Variants in TUBGCP6 observed in about 807,000 individuals in gnomAD.
The protein encoded by TUBGCP6 is tubulin gamma complex component 6.
Under a neutral mutation model 175.8 loss-of-function variants are expected in TUBGCP6, and 161 were observed. The observed-to-expected ratio is 0.92, with a 90% CI of 0.81 to 1.04. The LOEUF (loss-of-function observed/expected upper bound fraction) is 1.04. Among genes scored for constraint, TUBGCP6 ranks in the 50% least tolerant of loss-of-function variants. The probability of loss-of-function intolerance (pLI) is 0.00; values close to 1 mark genes in which losing one functional copy is unlikely to be tolerated. For missense variants in TUBGCP6, 2,572 were observed against 2,433.0 expected, an observed-to-expected ratio of 1.06 and a Z score of -1.20; for synonymous variants, 1,173 against 1,030.5, an observed-to-expected ratio of 1.14 and a Z score of -2.65.
rs750728907 is a variant in TUBGCP6, at chr22:50,225,838, T to G, written c.1939A>C (p.Met647Leu). ...GAGCTGTGGCGGGCCACCCTCTCCA[T>G]GCGCCCAACGTAGACGGCACAGTCC... ...EKDCAVYVGR[M>L]ERVARHSSVS... The change falls in exon 10 of 25, where the codon ATG becomes CTG. Residue 647 changes from methionine (M) to leucine (L), a missense_variant. Met to Leu is a conservative substitution (Grantham distance 15). Coordinates refer to ENST00000248846, the MANE Select transcript of TUBGCP6 (RefSeq NM_020461.4). The G allele has an allele frequency of 1.9e-6, 3 of 1,613,572 alleles. No individual in the cohort carries two copies. In the Admixed American group the frequency reaches 5.0e-5, roughly 27 times the overall value.
chr22:50,222,687 G>T, intron 13 of TUBGCP6, 95 bp from the exon 14 acceptor site: 1 of 1,518,616 alleles, frequency 6.6e-7, no homozygotes, highest in Non-Finnish European at 8.9e-7. Flanking sequence ...CATAACAGAG[G>T]CCCCAGTGGG....
At position 50,218,026 on chromosome 22, in the gene TUBGCP6, G is replaced by T. The variant is rs752750569; in HGVS notation, c.5260C>A (p.Gln1754Lys). ...VLKFRSQLIS[Q>K]AWGPPGGPRG... The stretch of plus-strand genomic sequence containing the variant: ...GGGCCCCCAGGGGGCCCCCAGGCCT[G>T]GGAGATGAGCTGGCTGCGGAACTTG... Residue 1754 changes from glutamine (Q) to lysine (K), a missense_variant, in exon 24 of 25, where the codon CAG becomes AAG. By Grantham distance (53) the Gln-to-Lys change is moderately conservative (BLOSUM62 1). Transcript: ENST00000248846. 1.9e-6 allele frequency: 3 copies of T among 1,613,302 alleles called. No individual in the cohort carries two copies. In the South Asian group the frequency reaches 3.3e-5, roughly 18 times the overall value.
intron 1 of TUBGCP6, among the ~76,000 whole-genome samples, chr22:50,241,982 T>TAAAA (rs1184563973): frequency 7.2e-5 from 2 of 27,948 alleles, no homozygotes; most frequent in East Asian, 1.1e-3. Flanking sequence ...AGACTCCATC[T>TAAAA]CAAAAAAAAA....
rs1415197519 is a variant in TUBGCP6, at chr22:50,219,721, C to G, written c.4238G>C (p.Gly1413Ala). ...EAEASAAEAQ[G>A]GEQAYLAGLA... ...GCCTGCCAGGTAGGCCTGCTCCCCA[C>G]CCTGAGCCTCCGCCGCCGATGCCTC... Residue 1413 changes from glycine to alanine, a missense_variant, in exon 18 of 25, where the codon GGT (glycine) becomes GCT (alanine). Gly to Ala is a moderately conservative substitution (Grantham distance 60). Transcript: ENST00000248846. 1 of 1,613,638 alleles carries G rather than the reference C, an allele frequency of 6.2e-7. No individual in the cohort carries two copies. Among genetic ancestry groups the G allele is most frequent in the East Asian group, 2.2e-5 (1 of 44,874 alleles).
At position 50,221,409 on chromosome 22, in the gene TUBGCP6, G is replaced by A. The variant is rs1222630214; in HGVS notation, c.2950C>T (p.Leu984=). The change falls in exon 16 of 25, where the codon CTG becomes TTG. Residue 984 remains leucine (L), a synonymous_variant. Coordinates refer to ENST00000248846, the MANE Select transcript of TUBGCP6 (RefSeq NM_020461.4). ...ATCTTCCCACAACTGTCCTCCCACA[G>A]CTGTAGCCCTGAGCTGCCCAAGCTG... The part of the protein sequence containing the change: ...ECSLGSSGLQ[L]WEDSCGKMDA... The A allele has an allele frequency of 1.9e-6, 3 of 1,604,852 alleles. No homozygotes were observed. The highest frequency in any genetic ancestry group is 2.5e-6 in the Non-Finnish European group (3 of 1,178,332).
At chr22:50,220,114 C>T in intron 16 of TUBGCP6, 99 bp from the exon 17 acceptor site, 8 of 1,549,494 alleles carry the variant, frequency 5.2e-6, no homozygotes, top group South Asian at 1.2e-5. Flanking sequence ...TCCCATGTCC[C>T]CCACAGCAGC....
intron 3 of TUBGCP6, 54 bp from the exon 4 acceptor site, chr22:50,229,631 T>A (rs925296082): frequency 6.6e-7 from 1 of 1,519,816 alleles, no homozygotes; most frequent in Non-Finnish European, 8.9e-7. Context: ...AGACCCCCAG[T>A]AAGGTGCCGT....
Position 50,222,567 on chromosome 22 carries a change from T to C in TUBGCP6, c.2296A>G (p.Lys766Glu). 1 of 1,612,760 alleles carries C rather than the reference T, an allele frequency of 6.2e-7. No homozygotes were observed. The highest frequency in any genetic ancestry group is 8.5e-7 in the Non-Finnish European group (1 of 1,180,014). ...CGACGAGCTGCCTCTGCAGAGAGCT[T>C]GCTGTAGTGGTCGACCAGTGCCTGC... ...ARQALVDHYS[K>E]LSAEAARREQ... is the part of the protein sequence containing the mutation. Residue 766 changes from lysine to glutamate, a missense_variant, in exon 14 of 25, where the codon AAG (lysine) becomes GAG (glutamate). By Grantham distance (56) the Lys-to-Glu change is moderately conservative (BLOSUM62 1). Transcript: ENST00000248846.
In TUBGCP6 at chr22:50,218,056, C is replaced by T. The variant is rs147437350; in HGVS notation, c.5230G>A (p.Val1744Met). Residue 1744 changes from valine to methionine, a missense_variant, in exon 24 of 25, where the codon GTG becomes ATG. Val to Met is a conservative substitution (Grantham distance 21). Coordinates refer to ENST00000248846, the MANE Select transcript of TUBGCP6 (RefSeq NM_020461.4). ...ATGAGCTGGCTGCGGAACTTGAGCACGAGGCTGAAGATGCTGTGGATGACG... is the reference window on the plus strand; with the variant it reads ...ATGAGCTGGCTGCGGAACTTGAGCATGAGGCTGAAGATGCTGTGGATGACG... ...MNVIHSIFSLVLKFRSQLISQ... is the reference protein window; with the variant it reads ...MNVIHSIFSLMLKFRSQLISQ... 1.9e-5 allele frequency: 30 copies of T among 1,613,366 alleles called. No individual in the cohort carries two copies. Among genetic ancestry groups the T allele is most frequent in the African/African-American group, 4.0e-5 (3 of 74,918 alleles).
chr22:50,243,385 G>A (rs1332968423), intron 1 of TUBGCP6, among the ~76,000 whole-genome samples: 5 of 151,624 alleles, frequency 3.3e-5, no homozygotes, highest in African/African-American at 4.9e-5. Flanking sequence ...CCCGGGAGGC[G>A]GCGGTTACAG....
rs2064475705 is a variant in TUBGCP6, at chr22:50,219,383, G to T, written c.4389C>A (p.Val1463=). 1 of 1,579,140 alleles carries T rather than the reference G, an allele frequency of 6.3e-7. No individual in the cohort carries two copies. Among genetic ancestry groups the T allele is most frequent in the Non-Finnish European group, 8.6e-7 (1 of 1,163,438 alleles). ...CAGCAGTCTCATCAGCGGCAGACTG[G>T]ACCTGGGGGTCCACGGGGAAGGCGA... ...RAFAFPVDPQ[V]QSAADETAVQ... is the part of the protein sequence containing the mutation. Residue 1463 remains valine (V), a synonymous_variant, in exon 19 of 25, where the codon GTC becomes GTA. Coordinates refer to ENST00000248846, the MANE Select transcript of TUBGCP6 (RefSeq NM_020461.4).
chr22:50,217,950 G>A lies in TUBGCP6; in HGVS notation c.5336C>T (p.Thr1779Ile). ...GAGAAAGTGGGAGTAGTACTTGAAG[G>A]TGTTGTAGGACTGCTGCATGAGTGC... ...NFALMQQSYN[T>I]FKYYSHFLFK... Residue 1779 changes from threonine (T) to isoleucine (I), a missense_variant, in exon 24 of 25, where the codon ACC becomes ATC. By Grantham distance (89) the Thr-to-Ile change is moderately conservative (BLOSUM62 -1). Transcript: ENST00000248846. 1 of 1,609,590 alleles carries A rather than the reference G, an allele frequency of 6.2e-7. No homozygotes were observed. Among genetic ancestry groups the A allele is most frequent in the Non-Finnish European group, 8.5e-7 (1 of 1,177,822 alleles).
Position 50,244,492 on chromosome 22 carries a change from G to C in TUBGCP6, c.-33C>G. 6.3e-7 allele frequency: 1 copy of C among 1,577,970 alleles called. No homozygotes were observed. The highest frequency in any genetic ancestry group is 8.6e-7 in the Non-Finnish European group (1 of 1,163,658). ...CTCAGCTCCGGGCCCCCGGCGTGTG[G>C]GAAAACACCTCACCCGGGCTTCACT... is the stretch of plus-strand genomic sequence containing the variant. On this transcript the variant is annotated 5_prime_UTR_variant, in exon 1 of 25. Coordinates refer to ENST00000248846, the MANE Select transcript of TUBGCP6 (RefSeq NM_020461.4).
In TUBGCP6 at chr22:50,243,452, C is replaced by CA. The variant is rs369826679; in HGVS notation, c.741+266dup. ...TGGGCAACAGAGCAAGACTCCATCT[C>CA]AAAAAAAAAAAAAAATTAAGCCGGG... On this transcript the variant is annotated intron_variant, in intron 1 of 24. Coordinates refer to ENST00000248846, the MANE Select transcript of TUBGCP6 (RefSeq NM_020461.4). 0.014 allele frequency among the ~76,000 whole-genome samples: 1,618 copies of CA among 113,396 alleles called. 22 individuals carry two copies. The highest frequency in any genetic ancestry group is 0.041 in the African/African-American group (1,239 of 29,878). 74.4% of individuals were successfully genotyped at this position (113,396 alleles called of 152,430 possible).
intron 13 of TUBGCP6, among the ~76,000 whole-genome samples, 159 bp from the exon 14 acceptor site, chr22:50,222,751 A>G (rs1406546257): frequency 6.6e-6 from 1 of 152,148 alleles, no homozygotes; most frequent in Non-Finnish European, 1.5e-5. Context: ...CCCTCACAGC[A>G]CCTACAGGGC....
Position 50,224,547 on chromosome 22 carries a change from G to A in TUBGCP6, c.2029C>T (p.Arg677Trp), listed in dbSNP as rs761706269. The A allele has an allele frequency of 8.7e-6, 14 of 1,614,008 alleles. No individual in the cohort carries two copies. The highest frequency in any genetic ancestry group is 4.4e-5 in the South Asian group (4 of 91,082). ...CTCAGGACCCTGGATGCTGCTTCCC[G>A]GGCATGAGCGATTAATTCTTGTTTT... ...IAKQELIAHA[R>W]EAASRVLSAL... Residue 677 changes from arginine to tryptophan, a missense_variant, in exon 11 of 25, where the codon CGG (arginine) becomes TGG (tryptophan). Transcript: ENST00000248846.
rs925296082 is a variant in TUBGCP6, at chr22:50,229,631, T to C, written c.1117-54A>G. On this transcript the variant is annotated intron_variant, in intron 3 of 24. Coordinates refer to ENST00000248846, the MANE Select transcript of TUBGCP6 (RefSeq NM_020461.4). ...AGAGGCCAGGCACCCAGACCCCCAG[T>C]AAGGTGCCGTCTCCCTCCACCCTTG... 5.3e-6 allele frequency: 8 copies of C among 1,519,698 alleles called. No individual in the cohort carries two copies. In the African/African-American group the frequency reaches 6.9e-5, roughly 13 times the overall value. The allele number at this position is 1,519,698 out of a possible 1,614,324, so 94.1% of individuals were successfully genotyped here. A position where few individuals can be genotyped will look rare whatever the true frequency, so the allele number is the denominator to read the frequency against.
At chr22:50,238,143 G>C (rs1314603179) in intron 2 of TUBGCP6, among the ~76,000 whole-genome samples, 1 of 150,742 alleles carries the variant, frequency 6.6e-6, no homozygotes, top group Non-Finnish European at 1.5e-5. Context: ...AGAAAAGAGA[G>C]AGAGAGAGAG....
chr22:50,226,909 G>GC, intron 6 of TUBGCP6, 67 bp from the exon 7 acceptor site: 1 of 1,554,682 alleles, frequency 6.4e-7, no homozygotes, highest in Non-Finnish European at 8.7e-7. Flanking sequence ...GCGCAGCCCT[G>GC]CCGGCAGCAG....
Sources: allele counts gnomAD v4.1 joint callset (sites outside exome capture counted in the v4.1 genomes callset), GRCh38; gene constraint gnomAD v4.1.1; transcripts MANE v1.5; gene names NCBI Gene and HGNC (gene_info 2026-07-23, HGNC 2026-07-21).